The following BACH2 variants were observed in gnomAD, a reference collection of about 807,000 sequenced individuals.
BACH2 encodes the protein BACH transcriptional regulator 2, also known as transcription regulator protein BACH2.
A neutral mutation model predicts 61.8 loss-of-function variants in BACH2; 5 were observed. That is an observed-to-expected ratio of 0.08 (90% CI 0.04 to 0.17). The LOEUF is 0.17. BACH2 is among the 10% of genes least tolerant of loss of function. The pLI is 1.00. For missense variants in BACH2, 824 were observed against 1,091.1 expected (o/e 0.76, Z 3.45); for synonymous variants, 446 against 440.1 (o/e 1.01, Z -0.17).
intron 5 of BACH2, among the ~76,000 whole-genome samples, chr6:90,032,599 T>C (rs1582234560): frequency 1.3e-5 from 2 of 151,120 alleles, no homozygotes; most frequent in Admixed American, 6.6e-5. Flanking sequence ...AAAAGACACA[T>C]GAAAAAATGC....
At chr6:90,180,773 C>G (rs1361064360) in intron 4 of BACH2, among the ~76,000 whole-genome samples, 1 of 151,828 alleles carries the variant, frequency 6.6e-6, no homozygotes, top group Non-Finnish European at 1.5e-5. Context: ...GGAATACACA[C>G]CAGTCCAATG....
chr6:89,971,830 C>T (rs1228096807), intron 6 of BACH2, among the ~76,000 whole-genome samples: 1 of 152,140 alleles, frequency 6.6e-6, no homozygotes, highest in Non-Finnish European at 1.5e-5. Context: ...GGAAACCGCC[C>T]CCGTGATTCA....
chr6:90,219,309 G>A (rs2127855187), intron 3 of BACH2, among the ~76,000 whole-genome samples: 1 of 152,300 alleles, frequency 6.6e-6, no homozygotes, highest in Middle Eastern at 3.4e-3. Context: ...GGCTCTGAAA[G>A]CTATTTCTCC....
chr6:90,014,825 C>A (rs1282756364), intron 5 of BACH2, among the ~76,000 whole-genome samples: 2 of 151,598 alleles, frequency 1.3e-5, no homozygotes, highest in Non-Finnish European at 2.9e-5. Context: ...GTTGCCCTGG[C>A]TGGAGTGCAG....
chr6:89,954,082 A>G (rs1774276062), intron 6 of BACH2, among the ~76,000 whole-genome samples: 1 of 152,240 alleles, frequency 6.6e-6, no homozygotes, highest in Non-Finnish European at 1.5e-5. Context: ...CACATGACCT[A>G]TTCCTTTACT....
intron 3 of BACH2, among the ~76,000 whole-genome samples, chr6:90,233,351 G>A (rs915719296): frequency 1.3e-5 from 2 of 152,064 alleles, no homozygotes; most frequent in African/African-American, 4.8e-5. Context: ...GCCTTCTCTG[G>A]GTATAAGTCT....
intron 7 of BACH2, among the ~76,000 whole-genome samples, chr6:89,940,568 C>T (rs995283000): frequency 6.6e-6 from 1 of 152,172 alleles, no homozygotes; most frequent in East Asian, 1.9e-4. Flanking sequence ...TAAGAGACAA[C>T]GTGTGGGTTA....
At chr6:90,052,410 TTATC>T (rs567594426) in intron 5 of BACH2, among the ~76,000 whole-genome samples, 5 of 152,116 alleles carry the variant, frequency 3.3e-5, no homozygotes, top group South Asian at 2.1e-4. Flanking sequence ...TTAAAGTCTT[TTATC>T]TATCTATCTA....
At chr6:90,055,968 G>C (rs978760195) in intron 5 of BACH2, among the ~76,000 whole-genome samples, 3 of 152,120 alleles carry the variant, frequency 2.0e-5, no homozygotes, top group African/African-American at 7.2e-5. Flanking sequence ...GCTCCTGCAG[G>C]AAGCACTAAA....
chr6:90,156,467 A>G (rs1562478437), intron 4 of BACH2, among the ~76,000 whole-genome samples: 2 of 152,174 alleles, frequency 1.3e-5, no homozygotes, highest in African/African-American at 2.4e-5. Flanking sequence ...CAAAAATAAC[A>G]TTCTCAAAGA....
chr6:90,288,436 T>C (rs1471201401), intron 1 of BACH2, among the ~76,000 whole-genome samples: 1 of 152,152 alleles, frequency 6.6e-6, no homozygotes, highest in Non-Finnish European at 1.5e-5. Context: ...ATACACTTGA[T>C]CATTTCCCAA....
intron 5 of BACH2, among the ~76,000 whole-genome samples, chr6:90,062,168 T>A (rs6902212): frequency 3.3e-5 from 5 of 152,250 alleles, no homozygotes; most frequent in African/African-American, 1.2e-4. Flanking sequence ...ACGTGGAACA[T>A]GTGTGTGGCG....
intron 7 of BACH2, among the ~76,000 whole-genome samples, chr6:89,939,156 G>A (rs1483736324): frequency 1.3e-5 from 2 of 152,276 alleles, no homozygotes; most frequent in African/African-American, 2.4e-5. Flanking sequence ...AGGCTAGGTC[G>A]AAAATTAGCT....
intron 3 of BACH2, among the ~76,000 whole-genome samples, chr6:90,234,922 T>C (rs1437218029): frequency 6.6e-6 from 1 of 152,146 alleles, no homozygotes; most frequent in Non-Finnish European, 1.5e-5. Context: ...AAACTTCCAT[T>C]TCTTCATGTG....
rs559828663 is a variant in BACH2, at chr6:90,290,262, T to G, written c.-446+6218A>C. Among the ~76,000 whole-genome samples the G allele has an allele frequency of 2.6e-5, 4 of 152,324 alleles. No individual in the cohort carries two copies. In the South Asian group the frequency reaches 8.3e-4, roughly 32 times the overall value. On this transcript the variant is annotated intron_variant, in intron 1 of 8. Coordinates refer to ENST00000257749, the MANE Select transcript of BACH2 (RefSeq NM_021813.4). ...TCCCCAACCTCCCGACCAGGTTAAA[T>G]CTGCCCATTAGACACTCTGGTGTAT...
intron 5 of BACH2, among the ~76,000 whole-genome samples, chr6:90,012,026 C>A (rs535761069): frequency 1.3e-5 from 2 of 150,040 alleles, no homozygotes; most frequent in Non-Finnish European, 3.0e-5. Context: ...AAACTCCTGG[C>A]GTCAAGTGAT....
intron 5 of BACH2, among the ~76,000 whole-genome samples, chr6:90,087,180 T>C (rs958640027): frequency 1.3e-5 from 2 of 152,174 alleles, no homozygotes; most frequent in South Asian, 2.1e-4. Context: ...TGCTTGGCAA[T>C]TGCTTTATTA....
chr6:90,127,667 G>A lies in BACH2; in HGVS notation c.-161-38558C>T, dbSNP rs534951637. Among the ~76,000 whole-genome samples, 11 of 152,320 alleles carry A rather than the reference G, an allele frequency of 7.2e-5. No homozygotes were observed. In the South Asian group the frequency reaches 2.3e-3, roughly 32 times the overall value. ...GATTTAATTATCTCAAGTTACCTGA[G>A]ATGTTTAGAGTTAAAAAAGAAGCCA... On this transcript the variant is annotated intron_variant, in intron 4 of 8. Coordinates refer to ENST00000257749, the MANE Select transcript of BACH2 (RefSeq NM_021813.4).
intron 3 of BACH2, among the ~76,000 whole-genome samples, chr6:90,243,661 A>G (rs1034564219): frequency 1.3e-5 from 2 of 152,208 alleles, no homozygotes; most frequent in South Asian, 4.1e-4. Flanking sequence ...TATGAATTTT[A>G]AAGTTTGACA....
Sources: gnomAD v4.1 joint callset for allele counts (sites outside exome capture counted in the v4.1 genomes callset) on GRCh38, gnomAD v4.1.1 for gene constraint, MANE v1.5 for transcripts, NCBI Gene and HGNC (gene_info 2026-07-23, HGNC 2026-07-21) for gene names.